The following NBEAL1 variants were observed in gnomAD, a reference collection of about 807,000 sequenced individuals.
NBEAL1 encodes the protein neurobeachin-like protein 1.
In NBEAL1, 273 loss-of-function variants were observed where a neutral mutation model predicts 351.3. That is an observed-to-expected ratio of 0.78 (90% CI 0.70 to 0.86). NBEAL1 has a LOEUF of 0.86. Ranked by LOEUF, NBEAL1 falls within the 40% of genes least tolerant of loss-of-function variation. NBEAL1 has a pLI of 0.00. For synonymous variants in NBEAL1, 1,050 were observed against 1,086.4 expected (o/e 0.97, Z 0.66); for missense variants, 2,961 against 3,201.3 (o/e 0.92, Z 1.81).
intron 9 of NBEAL1, 101 bp from the exon 10 acceptor site, chr2:203,084,362 A>C: frequency 3.8e-6 from 2 of 530,386 alleles, no homozygotes; most frequent in Non-Finnish European, 6.2e-6. Flanking sequence ...ACTGAACATC[A>C]AAGTTGTTTT....
At chr2:203,200,633 G>T (rs993550231) in intron 49 of NBEAL1, among the ~76,000 whole-genome samples, 1 of 152,160 alleles carries the variant, frequency 6.6e-6, no homozygotes, top group Non-Finnish European at 1.5e-5. Context: ...GACAGAGGTT[G>T]CAGTGAGCCG....
intron 5 of NBEAL1, among the ~76,000 whole-genome samples, chr2:203,056,912 A>G (rs1204897954): frequency 6.6e-6 from 1 of 152,170 alleles, no homozygotes; most frequent in Non-Finnish European, 1.5e-5. Context: ...ATATTTTCAG[A>G]CGAGGTAATA....
chr2:203,125,079 A>G (rs575679749), intron 19 of NBEAL1, among the ~76,000 whole-genome samples: 3 of 152,234 alleles, frequency 2.0e-5, no homozygotes, highest in African/African-American at 7.2e-5. Flanking sequence ...TTATGGGGCT[A>G]TGTTTCATTT....
intron 54 of NBEAL1, among the ~76,000 whole-genome samples, chr2:203,211,706 T>C (rs758134407): frequency 1.4e-4 from 22 of 152,228 alleles, no homozygotes; most frequent in Admixed American, 1.0e-3. Flanking sequence ...GTCTGTATTA[T>C]GGATTTGGAA....
At chr2:203,102,673 G>T (rs189302070) in intron 12 of NBEAL1, among the ~76,000 whole-genome samples, 137 of 152,302 alleles carry the variant, frequency 9.0e-4, no homozygotes, top group Non-Finnish European at 1.6e-3. Context: ...GATCATAGTG[G>T]ATTAGCTCTT....
chr2:203,172,830 A>G lies in NBEAL1; in HGVS notation c.6300A>G (p.Lys2100=). The change falls in exon 41 of 56, where the codon AAA becomes AAG. Residue 2100 remains lysine (K), a synonymous_variant. Transcript: ENST00000683969. ...AACCAATTGGGGTAGTTAATGAAAA[A>G]AACGCCAAAGCTATGAGAGAAAAGT... ...LSKPIGVVNE[K]NAKAMREKYE... is the part of the protein sequence containing the mutation. The G allele has an allele frequency of 1.9e-6, 3 of 1,610,094 alleles. No individual in the cohort carries two copies. The highest frequency in any genetic ancestry group is 2.5e-6 in the Non-Finnish European group (3 of 1,178,024).
chr2:203,158,752 G>C (rs2063863430), intron 36 of NBEAL1, among the ~76,000 whole-genome samples: 1 of 148,924 alleles, frequency 6.7e-6, no homozygotes, highest in Admixed American at 6.7e-5. Flanking sequence ...TTTATCATCT[G>C]ATATCATTTC....
intron 9 of NBEAL1, among the ~76,000 whole-genome samples, chr2:203,083,809 T>G (rs1218787723): frequency 6.6e-6 from 1 of 152,208 alleles, no homozygotes; most frequent in Non-Finnish European, 1.5e-5. Flanking sequence ...ACTTTGAAAT[T>G]CTAGGAAAAG....
chr2:203,165,129 G>C (rs1264047433), intron 36 of NBEAL1, among the ~76,000 whole-genome samples: 1 of 152,094 alleles, frequency 6.6e-6, no homozygotes, highest in East Asian at 1.9e-4. Flanking sequence ...CCAAAGTGCT[G>C]GGATTACAGG....
chr2:203,204,455 C>A, intron 51 of NBEAL1, among the ~76,000 whole-genome samples: 1 of 151,340 alleles, frequency 6.6e-6, no homozygotes, highest in Admixed American at 6.6e-5. Context: ...CTCAACCTCC[C>A]AAGTAGCTGG....
intron 2 of NBEAL1, among the ~76,000 whole-genome samples, chr2:203,020,405 T>C (rs1020202028): frequency 6.6e-6 from 1 of 152,154 alleles, no homozygotes; most frequent in African/African-American, 2.4e-5. Flanking sequence ...CTAGGCGCAG[T>C]GGCTTATGTC....
chr2:203,119,312 T>A (rs2062771769), intron 18 of NBEAL1, among the ~76,000 whole-genome samples: 1 of 151,714 alleles, frequency 6.6e-6, no homozygotes, highest in Non-Finnish European at 1.5e-5. Flanking sequence ...AGAGACAAGG[T>A]CTCACTATGT....
At chr2:203,125,566 A>T in intron 20 of NBEAL1, 46 bp downstream of exon 20, 1 of 1,328,112 alleles carries the variant, frequency 7.5e-7, no homozygotes, top group Non-Finnish European at 9.7e-7. Flanking sequence ...GAAATTTGAG[A>T]ATTAATTGAG....
chr2:203,089,714 T>G (rs1187745901), intron 10 of NBEAL1, among the ~76,000 whole-genome samples: 1 of 152,184 alleles, frequency 6.6e-6, no homozygotes, highest in Non-Finnish European at 1.5e-5. Context: ...ATCTTAAAGG[T>G]CAGTCTTATG....
chr2:203,135,691 G>C lies in NBEAL1; in HGVS notation c.3828G>C (p.Leu1276Phe). 1 of 1,494,098 alleles carries C rather than the reference G, an allele frequency of 6.7e-7. No individual in the cohort carries two copies. Among genetic ancestry groups the C allele is most frequent in the Non-Finnish European group, 8.9e-7 (1 of 1,120,024 alleles). 92.6% of individuals were successfully genotyped at this position (1,494,098 alleles called of 1,614,324 possible). Reference protein sequence around the residue: ...VAICRKVLQILQFQPDAAHQI... With the variant: ...VAICRKVLQIFQFQPDAAHQI... ...TCTTTTTACAGGTTTTGCAAATTTT[G>C]CAGTTCCAGCCAGATGCAGCACATC... Residue 1276 changes from leucine (L) to phenylalanine (F), a missense_variant, in exon 28 of 56, where the codon TTG becomes TTC. Transcript: ENST00000683969.
rs747240581 is a variant in NBEAL1, at chr2:203,112,032, C to T, written c.2136C>T (p.Phe712=). The change falls in exon 16 of 56, where the codon TTC becomes TTT. Residue 712 remains phenylalanine (F), a synonymous_variant. Transcript: ENST00000683969. ...MPGKRPFGQS[F]VYIYDNGQQK... ...GAAAAAGGCCTTTTGGTCAGAGCTT[C>T]GTCTATATCTATGACAATGGACAAC... The T allele has an allele frequency of 4.3e-5, 67 of 1,552,062 alleles. No individual in the cohort carries two copies. The highest frequency in any genetic ancestry group is 3.8e-4 in the African/African-American group (28 of 73,128).
chr2:203,130,647 A>T (rs946004794), intron 25 of NBEAL1, among the ~76,000 whole-genome samples, 171 bp downstream of exon 25: 4 of 152,162 alleles, frequency 2.6e-5, no homozygotes, highest in African/African-American at 9.7e-5. Flanking sequence ...ATATTAAAAA[A>T]CTAATTATAT....
At chr2:203,046,736 G>T (rs1268690824) in intron 3 of NBEAL1, among the ~76,000 whole-genome samples, 1 of 152,172 alleles carries the variant, frequency 6.6e-6, no homozygotes, top group Non-Finnish European at 1.5e-5. Flanking sequence ...CATGAGGGCA[G>T]AGCCTTCTTG....
chr2:203,158,673 T>C (rs2063860838), intron 36 of NBEAL1, among the ~76,000 whole-genome samples: 1 of 152,188 alleles, frequency 6.6e-6, no homozygotes, highest in African/African-American at 2.4e-5. Flanking sequence ...ATATGTTATT[T>C]ATGCTTTGTT....
Sources: gnomAD v4.1 joint callset for allele counts (sites outside exome capture counted in the v4.1 genomes callset) on GRCh38, gnomAD v4.1.1 for gene constraint, MANE v1.5 for transcripts, NCBI Gene and HGNC (gene_info 2026-07-23, HGNC 2026-07-21) for gene names.